Variants in UNC5B observed in about 807,000 individuals in gnomAD.
The protein encoded by UNC5B is netrin receptor UNC5B.
Under a neutral mutation model 103.7 loss-of-function variants are expected in UNC5B, and 56 were observed. That is an observed-to-expected ratio of 0.54 (90% confidence interval 0.44 to 0.67). UNC5B has a LOEUF of 0.67. Among genes scored for constraint, UNC5B ranks in the 30% least tolerant of loss-of-function variants. The probability of loss-of-function intolerance (pLI) is 0.00; values close to 1 mark genes in which losing one functional copy is unlikely to be tolerated. For synonymous variants in UNC5B, 577 were observed against 542.0 expected (o/e 1.06, Z -0.90); for missense variants, 1,194 against 1,284.5 (o/e 0.93, Z 1.08).
chr10:71,295,569 A>G (rs1481597443), intron 13 of UNC5B, among the ~76,000 whole-genome samples: 1 of 152,100 alleles, frequency 6.6e-6, no homozygotes, highest in East Asian at 1.9e-4. Flanking sequence ...CCATCTGTCC[A>G]TTTATTAGTC....
At chr10:71,281,445 A>G (rs1844926219) in intron 2 of UNC5B, among the ~76,000 whole-genome samples, 2 of 151,992 alleles carry the variant, frequency 1.3e-5, no homozygotes, top group Admixed American at 6.6e-5. Flanking sequence ...GATTCAAGCA[A>G]TTCTCCTACC....
chr10:71,294,316 C>G (rs1208363793), intron 13 of UNC5B, among the ~76,000 whole-genome samples: 4 of 152,310 alleles, frequency 2.6e-5, no homozygotes, highest in Admixed American at 2.0e-4. Context: ...ATAAGCGTTT[C>G]AGCATGACCA....
intron 1 of UNC5B, among the ~76,000 whole-genome samples, chr10:71,215,104 T>A (rs751124454): frequency 6.6e-6 from 1 of 152,104 alleles, no homozygotes; most frequent in Non-Finnish European, 1.5e-5. Flanking sequence ...TCCCACACAA[T>A]CTTGTTTTTC....
chr10:71,221,401 C>T (rs568260075), intron 1 of UNC5B, among the ~76,000 whole-genome samples: 4 of 152,268 alleles, frequency 2.6e-5, no homozygotes, highest in South Asian at 2.1e-4. Context: ...CAGGCCTGGC[C>T]CCCGTGTCAT....
intron 1 of UNC5B, among the ~76,000 whole-genome samples, chr10:71,260,291 C>T (rs562525343): frequency 6.6e-5 from 10 of 152,322 alleles, no homozygotes; most frequent in African/African-American, 1.9e-4. Context: ...CAGGGGTGCT[C>T]GGGGACCGCC....
At chr10:71,242,281 T>C (rs566622609) in intron 1 of UNC5B, among the ~76,000 whole-genome samples, 1 of 152,314 alleles carries the variant, frequency 6.6e-6, no homozygotes, top group South Asian at 2.1e-4. Flanking sequence ...ATCTCCTTTG[T>C]AGGGATGAGG....
chr10:71,263,132 C>T (rs564207218), intron 1 of UNC5B, among the ~76,000 whole-genome samples: 1 of 152,258 alleles, frequency 6.6e-6, no homozygotes, highest in African/African-American at 2.4e-5. Context: ...GCCTGGGCAT[C>T]CTACGTTCTG....
chr10:71,291,346 T>C, intron 9 of UNC5B, 86 bp from the exon 10 acceptor site: 2 of 1,518,632 alleles, frequency 1.3e-6, no homozygotes, highest in Non-Finnish European at 1.8e-6. Flanking sequence ...CTTTCACAGC[T>C]GGACATTTGG....
intron 1 of UNC5B, among the ~76,000 whole-genome samples, chr10:71,226,111 A>G (rs192150784): frequency 1.2e-4 from 18 of 152,178 alleles, no homozygotes; most frequent in Middle Eastern, 3.4e-3. Context: ...GTCTTGCTCT[A>G]TCACCCAGGC....
Position 71,288,611 on chromosome 10 carries a change from C to T in UNC5B, c.945C>T (p.Ser315=). 1.2e-6 allele frequency: 2 copies of T among 1,614,066 alleles called. No homozygotes were observed. The highest frequency in any genetic ancestry group is 3.3e-5 in the Admixed American group (2 of 60,028). The change falls in exon 7 of 17, where the codon AGC becomes AGT. Residue 315 remains serine (S), a synonymous_variant. Coordinates refer to ENST00000335350, the MANE Select transcript of UNC5B (RefSeq NM_170744.5). ...WTEWSKWSAC[S]TECAHWRSRE... is the part of the protein sequence containing the mutation. ...AGTGGAGCAAGTGGTCAGCCTGCAG[C>T]ACTGAGTGTGCCCACTGGCGTAGCC...
At chr10:71,236,120 C>T (rs560913944) in intron 1 of UNC5B, among the ~76,000 whole-genome samples, 1 of 152,102 alleles carries the variant, frequency 6.6e-6, no homozygotes, top group Non-Finnish European at 1.5e-5. Context: ...CCTTTCCAAA[C>T]TTTGTCAAAC....
intron 1 of UNC5B, among the ~76,000 whole-genome samples, chr10:71,227,611 C>CACATACAT (rs1843590965): frequency 7.8e-6 from 1 of 127,452 alleles, no homozygotes; most frequent in African/African-American, 2.9e-5. Flanking sequence ...TACATATATA[C>CACATACAT]ATATATATAC....
chr10:71,230,469 G>A (rs1414702016), intron 1 of UNC5B, among the ~76,000 whole-genome samples: 1 of 152,254 alleles, frequency 6.6e-6, no homozygotes, highest in Non-Finnish European at 1.5e-5. Context: ...TGCTTTCAAT[G>A]TCCTGTCCAC....
intron 1 of UNC5B, among the ~76,000 whole-genome samples, chr10:71,263,251 CTG>C (rs1397145794): frequency 6.6e-6 from 1 of 152,218 alleles, no homozygotes; most frequent in Non-Finnish European, 1.5e-5. Context: ...CTGCCAGGAA[CTG>C]TGTGGCCTCA....
At chr10:71,237,715 T>C (rs552287785) in intron 1 of UNC5B, among the ~76,000 whole-genome samples, 19 of 152,276 alleles carry the variant, frequency 1.2e-4, no homozygotes, top group African/African-American at 4.1e-4. Context: ...GTGGCCTCTA[T>C]AGGATCGGGA....
rs933891181 is a variant in UNC5B at position 71,299,807 on chromosome 10, G to T, written c.*530G>T. On this transcript the variant is annotated 3_prime_UTR_variant, in exon 17 of 17. Transcript: ENST00000335350. ...AAGGAAAGAAAGAAAGCTTCAGACC[G>T]CTAGTAAGGCTCAAAGAAGAAGAAA... 2.6e-5 allele frequency: 4 copies of T among 152,198 alleles called. No individual in the cohort carries two copies. Among genetic ancestry groups the T allele is most frequent in the Non-Finnish European group, 4.4e-5 (3 of 68,146 alleles). The allele number at this position is 152,198 out of a possible 1,614,324, so 9.4% of individuals were successfully genotyped here. A position where few individuals can be genotyped will look rare whatever the true frequency, so the allele number is the denominator to read the frequency against.
intron 16 of UNC5B, 86 bp from the exon 17 acceptor site, chr10:71,299,026 C>T (rs1845518531): frequency 6.5e-7 from 1 of 1,547,212 alleles, no homozygotes; most frequent in African/African-American, 1.4e-5. Context: ...CACAGCCTTC[C>T]CACTTCCCCT....
chr10:71,221,131 G>A (rs867711333), intron 1 of UNC5B, among the ~76,000 whole-genome samples: 1 of 152,160 alleles, frequency 6.6e-6, no homozygotes, highest in Non-Finnish European at 1.5e-5. Context: ...GCCCTTGCAC[G>A]CATTATGCAG....
At chr10:71,240,561 C>T (rs2132258554) in intron 1 of UNC5B, among the ~76,000 whole-genome samples, 1 of 152,356 alleles carries the variant, frequency 6.6e-6, no homozygotes, top group East Asian at 1.9e-4. Flanking sequence ...TCTTCAGACT[C>T]CAGCCTCCCA....
Sources: gnomAD v4.1 joint callset for allele counts (sites outside exome capture counted in the v4.1 genomes callset) on GRCh38, gnomAD v4.1.1 for gene constraint, MANE v1.5 for transcripts, NCBI Gene and HGNC (gene_info 2026-07-23, HGNC 2026-07-21) for gene names.